Variants in NTAQ1 observed in about 807,000 individuals in gnomAD.
NTAQ1 encodes the protein N-terminal glutamine amidase 1.
A neutral mutation model predicts 28.2 loss-of-function variants in NTAQ1; 21 were observed. The ratio of observed to expected loss-of-function variants is 0.74; its 90% confidence interval spans 0.53 to 1.07. The LOEUF (loss-of-function observed/expected upper bound fraction) is 1.07. Ranked by LOEUF, NTAQ1 falls within the 50% of genes least tolerant of loss-of-function variation. The pLI, the probability that NTAQ1 is intolerant of heterozygous loss-of-function variation, is 0.00. For synonymous variants in NTAQ1, 105 were observed against 90.0 expected, an observed-to-expected ratio of 1.17 and a Z score of -0.94; for missense variants, 264 against 256.6, an observed-to-expected ratio of 1.03 and a Z score of -0.20.
downstream of NTAQ1, among the ~76,000 whole-genome samples, chr8:123,470,123 G>T (rs183881439): frequency 6.6e-6 from 1 of 152,138 alleles, no homozygotes; most frequent in Non-Finnish European, 1.5e-5. Flanking sequence ...CAGTAAGAAG[G>T]CAGCTATCTA....
chr8:123,433,118 G>A (rs1486302832), intron 3 of NTAQ1, among the ~76,000 whole-genome samples: 2 of 152,216 alleles, frequency 1.3e-5, no homozygotes, highest in Non-Finnish European at 2.9e-5. Flanking sequence ...TTTCCTGGCA[G>A]CTGGGCAGAC....
chr8:123,437,134 G>C (rs1814766589), intron 4 of NTAQ1, 76 bp from the exon 5 acceptor site: 1 of 1,572,558 alleles, frequency 6.4e-7, no homozygotes, highest in Admixed American at 1.7e-5. Context: ...CATAGGAAAT[G>C]AGTCGATATA....
intron 1 of NTAQ1, among the ~76,000 whole-genome samples, chr8:123,418,037 A>T (rs1813414217): frequency 6.6e-6 from 1 of 152,152 alleles, no homozygotes; most frequent in African/African-American, 2.4e-5. Context: ...TTATTCATTC[A>T]TTCAATAAAT....
intron 6 of NTAQ1, among the ~76,000 whole-genome samples, chr8:123,463,550 C>G (rs1301398886): frequency 6.6e-6 from 1 of 152,180 alleles, no homozygotes; most frequent in Non-Finnish European, 1.5e-5. Flanking sequence ...TCCCATTTCT[C>G]AGTTTTGACT....
intron 1 of NTAQ1, among the ~76,000 whole-genome samples, chr8:123,426,718 G>T (rs931745416): frequency 6.6e-6 from 1 of 152,088 alleles, no homozygotes; most frequent in Non-Finnish European, 1.5e-5. Context: ...CCAGCACTTT[G>T]GGAGGCTGAG....
chr8:123,436,976 C>T (rs1359496265), intron 4 of NTAQ1, among the ~76,000 whole-genome samples: 1 of 152,108 alleles, frequency 6.6e-6, no homozygotes, highest in African/African-American at 2.4e-5. Context: ...ATACACAAAT[C>T]GAGTAAATCG....
intron 1 of NTAQ1, among the ~76,000 whole-genome samples, chr8:123,417,139 C>T (rs544288369): frequency 2.0e-5 from 3 of 152,302 alleles, no homozygotes; most frequent in African/African-American, 7.2e-5. Flanking sequence ...GGAATTCGTC[C>T]GGAATCATAG....
chr8:123,457,412 A>G (rs1036167622), intron 6 of NTAQ1, among the ~76,000 whole-genome samples: 27 of 152,144 alleles, frequency 1.8e-4, no homozygotes, highest in African/African-American at 5.8e-4. Flanking sequence ...ATTCTTTTGT[A>G]TGTATTAGTT....
downstream of NTAQ1, among the ~76,000 whole-genome samples, chr8:123,443,736 C>T (rs1299777469): frequency 6.6e-6 from 1 of 152,100 alleles, no homozygotes. Context: ...CAGTGCCCAG[C>T]TAATTTTTAT....
At chr8:123,466,335 G>T (rs1310765595) in intron 6 of NTAQ1, among the ~76,000 whole-genome samples, 1 of 152,158 alleles carries the variant, frequency 6.6e-6, no homozygotes, top group South Asian at 2.1e-4. Flanking sequence ...GTCCATTTGG[G>T]CATGGGATCC....
chr8:123,440,526 G>T (rs1272707040), intron 5 of NTAQ1, among the ~76,000 whole-genome samples: 1 of 140,506 alleles, frequency 7.1e-6, no homozygotes, highest in Non-Finnish European at 1.5e-5. Context: ...TTTAGACAAA[G>T]CCTTGCTCTG....
intron 1 of NTAQ1, among the ~76,000 whole-genome samples, chr8:123,427,566 C>T (rs534494183): frequency 5.3e-5 from 8 of 152,272 alleles, no homozygotes; most frequent in African/African-American, 1.9e-4. Context: ...CCACGCCTGG[C>T]CTTTGTCAAA....
At chr8:123,440,648 T>C (rs1174639654) in intron 5 of NTAQ1, among the ~76,000 whole-genome samples, 1 of 151,480 alleles carries the variant, frequency 6.6e-6, no homozygotes, top group Non-Finnish European at 1.5e-5. Flanking sequence ...TAGAGAGGTG[T>C]GCCACCATAC....
chr8:123,439,046 C>T (rs995080224), intron 5 of NTAQ1, among the ~76,000 whole-genome samples: 1 of 152,172 alleles, frequency 6.6e-6, no homozygotes, highest in Non-Finnish European at 1.5e-5. Flanking sequence ...TTTAGTGAAC[C>T]CCTTGTCAGC....
chr8:123,442,300 A>G (rs1471389701), downstream of NTAQ1: 1 of 151,386 alleles, frequency 6.6e-6, no homozygotes, highest in Non-Finnish European at 1.5e-5. Flanking sequence ...TGAGCTTTCT[A>G]CTTATTAAGA....
downstream of NTAQ1, among the ~76,000 whole-genome samples, chr8:123,444,055 C>CTT (rs398068230): frequency 7.5e-6 from 1 of 132,940 alleles, no homozygotes; most frequent in African/African-American, 2.9e-5. Context: ...TAAACTTTTT[C>CTT]TTTTTTTTTT....
chr8:123,441,596 T>G lies in NTAQ1; in HGVS notation c.*181T>G. 1 of 625,632 alleles carries G rather than the reference T, an allele frequency of 1.6e-6. No individual in the cohort carries two copies. Among genetic ancestry groups the G allele is most frequent in the Non-Finnish European group, 2.8e-6 (1 of 357,854 alleles). 38.8% of individuals were successfully genotyped at this position (625,632 alleles called of 1,614,324 possible). ...ATGAACAACATAAAAACTTTTGTTT[T>G]GACATGTCAAATTGAAACTTGATAA... On this transcript the variant is annotated 3_prime_UTR_variant, in exon 6 of 6. Transcript: ENST00000287387.
chr8:123,442,888 G>C (rs1003582629), downstream of NTAQ1, among the ~76,000 whole-genome samples: 1 of 151,636 alleles, frequency 6.6e-6, no homozygotes, highest in African/African-American at 2.4e-5. Context: ...GGCTGGTCTT[G>C]AACTCCTGAC....
exon 7 of NTAQ1, among the ~76,000 whole-genome samples, chr8:123,468,678 T>G (rs139786161): frequency 6.6e-6 from 1 of 152,340 alleles, no homozygotes; most frequent in Non-Finnish European, 1.5e-5. Flanking sequence ...GATGTGCAAA[T>G]ATCTCTGTGA....
Sources: allele counts gnomAD v4.1 joint callset (sites outside exome capture counted in the v4.1 genomes callset), GRCh38; gene constraint gnomAD v4.1.1; transcripts MANE v1.5; gene names NCBI Gene and HGNC (gene_info 2026-07-23, HGNC 2026-07-21).